Variants in PRKCB observed in about 807,000 individuals in gnomAD.
PRKCB encodes the protein protein kinase C beta type.
PRKCB carries 13 observed loss-of-function variants against 81.5 expected under a neutral mutation model. The observed-to-expected ratio is 0.16, with a 90% CI of 0.10 to 0.25. The LOEUF (loss-of-function observed/expected upper bound fraction) is 0.25. Among genes scored for constraint, PRKCB ranks in the 10% least tolerant of loss-of-function variants. PRKCB has a pLI of 1.00. For missense variants in PRKCB, 509 were observed against 875.7 expected (o/e 0.58, Z 5.29); for synonymous variants, 335 against 321.4 (o/e 1.04, Z -0.45).
chr16:23,946,278 G>C (rs1353420805), intron 2 of PRKCB, among the ~76,000 whole-genome samples: 2 of 152,194 alleles, frequency 1.3e-5, no homozygotes, highest in Non-Finnish European at 2.9e-5. Context: ...TTGAAGAGGA[G>C]CTTCATTCAG....
rs1310957845 is a variant in PRKCB, at chr16:23,930,511, G to A, written c.206-57997G>A. 1.3e-5 allele frequency among the ~76,000 whole-genome samples: 2 copies of A among 152,050 alleles called. 1 individual carries two copies. Among genetic ancestry groups the A allele is most frequent in the African/African-American group, 4.8e-5 (2 of 41,430 alleles). ...TTGGACCCAGGAGGTCGAGGCTTCAGTGAACCATGTTCATGCCACCACACT... is the reference window on the plus strand; with the variant it reads ...TTGGACCCAGGAGGTCGAGGCTTCAATGAACCATGTTCATGCCACCACACT... On this transcript the variant is annotated intron_variant, in intron 2 of 16. Transcript: ENST00000643927.
At chr16:24,183,881 C>T (rs1967664133) in intron 13 of PRKCB, among the ~76,000 whole-genome samples, 1 of 152,184 alleles carries the variant, frequency 6.6e-6, no homozygotes, top group South Asian at 2.1e-4. Context: ...AATCACATAG[C>T]TCTTCTAGAC....
At chr16:23,850,535 T>C (rs1336583300) in intron 2 of PRKCB, among the ~76,000 whole-genome samples, 1 of 152,098 alleles carries the variant, frequency 6.6e-6, no homozygotes, top group Non-Finnish European at 1.5e-5. Flanking sequence ...CTGGCTAATT[T>C]TGTATTTTTG....
intron 10 of PRKCB, among the ~76,000 whole-genome samples, chr16:24,157,003 G>A (rs1004791633): frequency 1.4e-5 from 2 of 138,598 alleles, no homozygotes; most frequent in Non-Finnish European, 3.1e-5. Flanking sequence ...GGTGACTAAT[G>A]TTCATTGTAG....
intron 13 of PRKCB, among the ~76,000 whole-genome samples, chr16:24,181,790 A>AAAAAAAAAAAGG (rs1967629191): frequency 7.3e-6 from 1 of 137,188 alleles, no homozygotes; most frequent in African/African-American, 2.6e-5. Flanking sequence ...AAAAAAAAAA[A>AAAAAAAAAAAGG]AGAAGAAGAA....
intron 9 of PRKCB, among the ~76,000 whole-genome samples, chr16:24,149,079 A>T (rs1289730263): frequency 6.6e-6 from 1 of 152,188 alleles, no homozygotes; most frequent in Non-Finnish European, 1.5e-5. Context: ...CTGCCTGGTC[A>T]TCAAGCTTAT....
chr16:23,911,792 C>T (rs34207225), intron 2 of PRKCB, among the ~76,000 whole-genome samples: 5,323 of 150,138 alleles, frequency 0.035, 165 homozygotes, highest in Admixed American at 0.087. Flanking sequence ...AAAGATACTG[C>T]CGTTTGTCTT....
In PRKCB at chr16:24,219,751, T is replaced by G. The variant is rs1037691037; in HGVS notation, c.*4935T>G. On this transcript the variant is annotated 3_prime_UTR_variant, in exon 17 of 17. Transcript: ENST00000643927. ...GACATTCAATGACTTACTTCTTTTC[T>G]TAGAAAATTTCCACCACATTTCTAT... The G allele has an allele frequency of 7.2e-7, 1 of 1,382,538 alleles. No homozygotes were observed. Among genetic ancestry groups the G allele is most frequent in the African/African-American group, 1.5e-5 (1 of 68,452 alleles). The allele number at this position is 1,382,538 out of a possible 1,614,324, so 85.6% of individuals were successfully genotyped here. A position where few individuals can be genotyped will look rare whatever the true frequency, so the allele number is the denominator to read the frequency against.
intron 2 of PRKCB, among the ~76,000 whole-genome samples, chr16:23,865,950 G>A (rs1356352956): frequency 6.6e-6 from 1 of 152,038 alleles, no homozygotes; most frequent in Non-Finnish European, 1.5e-5. Context: ...CCCCTTCCTG[G>A]TCAAATTGCC....
At chr16:23,987,277 C>T (rs1964814423) in intron 2 of PRKCB, among the ~76,000 whole-genome samples, 1 of 151,810 alleles carries the variant, frequency 6.6e-6, no homozygotes, top group Non-Finnish European at 1.5e-5. Context: ...TCTTAAATTC[C>T]TTTGAAAATA....
At position 23,921,505 on chromosome 16, in the gene PRKCB, G is replaced by A. The variant is rs542307792; in HGVS notation, c.206-67003G>A. On this transcript the variant is annotated intron_variant, in intron 2 of 16. Coordinates refer to ENST00000643927, the MANE Select transcript of PRKCB (RefSeq NM_002738.7). ...TGGGAAGAAATAAGGGTTGAGGTGT[G>A]ATAAAGATGTGCTAGGCCAGGCAAG... is the stretch of plus-strand genomic sequence containing the variant. Among the ~76,000 whole-genome samples the A allele has an allele frequency of 1.9e-3, 284 of 152,216 alleles. 1 individual carries two copies. The highest frequency in any genetic ancestry group is 3.4e-3 in the Non-Finnish European group (229 of 68,002).
intron 3 of PRKCB, among the ~76,000 whole-genome samples, chr16:24,004,564 AG>A (rs1397065774): frequency 6.6e-6 from 1 of 150,550 alleles, no homozygotes; most frequent in Non-Finnish European, 1.5e-5. Flanking sequence ...CTGATGTGGG[AG>A]GATCACTTAA....
chr16:23,889,551 T>C (rs1483166516), intron 2 of PRKCB, among the ~76,000 whole-genome samples: 1 of 152,268 alleles, frequency 6.6e-6, no homozygotes, highest in Non-Finnish European at 1.5e-5. Flanking sequence ...ATGGTAGGAT[T>C]GCACTGCTTG....
At chr16:24,185,757 C>T (rs1967694504) in intron 15 of PRKCB, among the ~76,000 whole-genome samples, 190 bp downstream of exon 15, 1 of 152,206 alleles carries the variant, frequency 6.6e-6, no homozygotes, top group African/African-American at 2.4e-5. Flanking sequence ...CTGATTTGCA[C>T]AGAAGTGCTG....
intron 7 of PRKCB, among the ~76,000 whole-genome samples, chr16:24,110,896 C>T (rs1966668540): frequency 6.6e-6 from 1 of 152,018 alleles, no homozygotes; most frequent in Non-Finnish European, 1.5e-5. Context: ...ATTGAATTTC[C>T]TTCCAAGGAA....
intron 2 of PRKCB, among the ~76,000 whole-genome samples, chr16:23,846,099 A>AG (rs1313193555): frequency 1.3e-5 from 2 of 152,300 alleles, no homozygotes; most frequent in African/African-American, 4.8e-5. Context: ...TCTTGTTCAG[A>AG]AGATACTTTT....
At chr16:23,917,280 G>T (rs1433033519) in intron 2 of PRKCB, among the ~76,000 whole-genome samples, 1 of 151,920 alleles carries the variant, frequency 6.6e-6, no homozygotes, top group African/African-American at 2.4e-5. Flanking sequence ...ATAGGGTTTT[G>T]CCATGTTGCC....
At chr16:23,892,181 C>G (rs1413307767) in intron 2 of PRKCB, among the ~76,000 whole-genome samples, 2 of 152,134 alleles carry the variant, frequency 1.3e-5, no homozygotes, top group African/African-American at 4.8e-5. Context: ...TTGGTGAAGG[C>G]CTTCACACTC....
At chr16:24,182,712 T>A (rs1967644214) in intron 13 of PRKCB, among the ~76,000 whole-genome samples, 2 of 152,084 alleles carry the variant, frequency 1.3e-5, no homozygotes, top group African/African-American at 2.4e-5. Flanking sequence ...ATCCCTCCCA[T>A]CTGTGGGCTG....
Sources: allele counts gnomAD v4.1 joint callset (sites outside exome capture counted in the v4.1 genomes callset), GRCh38; gene constraint gnomAD v4.1.1; transcripts MANE v1.5; gene names NCBI Gene and HGNC (gene_info 2026-07-23, HGNC 2026-07-21).